Variants in DLEU7 observed in about 807,000 individuals in gnomAD.
The protein encoded by DLEU7 is leukemia-associated protein 7.
In DLEU7, 17 loss-of-function variants were observed where a neutral mutation model predicts 16.0. The ratio of observed to expected loss-of-function variants is 1.06; its 90% confidence interval spans 0.73 to 1.59. The LOEUF is 1.59. Among genes scored for constraint, DLEU7 ranks in the 40% most tolerant of loss-of-function variants. The probability of loss-of-function intolerance (pLI) is 0.00; values close to 1 mark genes in which losing one functional copy is unlikely to be tolerated. For missense variants in DLEU7, 308 were observed against 314.9 expected (o/e 0.98, Z 0.17); for synonymous variants, 113 against 139.8 (o/e 0.81, Z 1.35).
intron 1 of DLEU7, among the ~76,000 whole-genome samples, chr13:50,771,167 A>G (rs942943468): frequency 6.6e-6 from 1 of 152,068 alleles, no homozygotes; most frequent in African/African-American, 2.4e-5. Flanking sequence ...TTTCTTCATT[A>G]GTCTTGCTAG....
At chr13:50,735,022 T>C (rs184079394) in intron 1 of DLEU7, among the ~76,000 whole-genome samples, 17 of 152,218 alleles carry the variant, frequency 1.1e-4, no homozygotes, top group Admixed American at 7.9e-4. Flanking sequence ...TCAGGCGAAG[T>C]AGACCTCAGG....
intron 1 of DLEU7, among the ~76,000 whole-genome samples, chr13:50,813,404 G>T (rs2061624): frequency 0.49 from 74,874 of 151,868 alleles, 18,874 homozygotes; most frequent in Non-Finnish European, 0.56. Flanking sequence ...AGTGCTATGT[G>T]TTATGGCTCA....
downstream of DLEU7, among the ~76,000 whole-genome samples, chr13:50,821,084 C>T (rs972939315): frequency 1.4e-4 from 21 of 151,952 alleles, no homozygotes; most frequent in African/African-American, 4.8e-4. Flanking sequence ...TGGAGAATGC[C>T]AAGGGTCCCT....
intron 1 of DLEU7, among the ~76,000 whole-genome samples, chr13:50,774,139 C>A (rs539280622): frequency 2.6e-5 from 4 of 152,102 alleles, no homozygotes; most frequent in Admixed American, 6.5e-5. Context: ...AGTATTGGGG[C>A]TGGAGTGACC....
chr13:50,728,014 G>A (rs1873813053), intron 1 of DLEU7, among the ~76,000 whole-genome samples: 1 of 152,204 alleles, frequency 6.6e-6, no homozygotes, highest in Non-Finnish European at 1.5e-5. Flanking sequence ...CTAACAGCTT[G>A]CAGGTGAGAA....
upstream of DLEU7, chr13:50,843,748 T>G: frequency 1.4e-6 from 2 of 1,412,646 alleles, no homozygotes; most frequent in Non-Finnish European, 1.9e-6. This position sits in a 1 kb window ranked among gnomAD's most constrained non-coding sequence, Gnocchi z 5.7. Flanking sequence ...AACCCGCGGC[T>G]CCTCGGCCTC....
rs557061281 is a variant in DLEU7, at chr13:50,768,288, A to T, written c.460-55048T>A. ...TGGTATTTTTTTCATTCATGATTTT[A>T]TTTTTTTTTTATTATACTTTAAGTT... is the stretch of plus-strand genomic sequence containing the variant. On this transcript the variant is annotated intron_variant, in intron 1 of 1. Transcript: ENST00000400393. 1.4e-3 allele frequency among the ~76,000 whole-genome samples: 214 copies of T among 148,930 alleles called. 2 individuals carry two copies. The highest frequency in any genetic ancestry group is 2.6e-3 in the Non-Finnish European group (177 of 66,862).
intron 1 of DLEU7, among the ~76,000 whole-genome samples, chr13:50,828,467 A>G (rs1006792897): frequency 6.6e-6 from 1 of 152,250 alleles, no homozygotes; most frequent in African/African-American, 2.4e-5. Context: ...ACTGAACTAT[A>G]TCACAAATTT....
At chr13:50,770,403 TG>T (rs1875262474) in intron 1 of DLEU7, among the ~76,000 whole-genome samples, 1 of 152,212 alleles carries the variant, frequency 6.6e-6, no homozygotes, top group South Asian at 2.1e-4. Context: ...ATATTGGCTG[TG>T]GGTTTTTCAT....
intron 1 of DLEU7, among the ~76,000 whole-genome samples, chr13:50,787,808 G>A (rs552751826): frequency 3.4e-5 from 5 of 148,258 alleles, no homozygotes; most frequent in East Asian, 2.1e-4. Context: ...CCATCTCCCC[G>A]ATGGACTCTG....
In DLEU7 at chr13:50,768,546, GT is replaced by G. The variant is rs1283114774; in HGVS notation, c.460-55307del. Among the ~76,000 whole-genome samples the G allele has an allele frequency of 2.0e-5, 3 of 150,792 alleles. No homozygotes were observed. The Admixed American group carries it at 2.0e-4, about 10-fold the overall frequency. On this transcript the variant is annotated intron_variant, in intron 1 of 1. Coordinates refer to the DLEU7 transcript ENST00000400393. ...GAGAATATGCGGTGTTTGGTTTTCT[GT>G]CCTTGCAAGAGTTTGCTCAGAATGA...
At chr13:50,748,760 G>C (rs929287598) in intron 1 of DLEU7, among the ~76,000 whole-genome samples, 1 of 152,042 alleles carries the variant, frequency 6.6e-6, no homozygotes, top group Admixed American at 6.6e-5. Context: ...GAAGGAGAAG[G>C]AGAAGAAAAA....
chr13:50,773,267 T>C (rs530326451), intron 1 of DLEU7, among the ~76,000 whole-genome samples: 2 of 152,306 alleles, frequency 1.3e-5, no homozygotes, highest in African/African-American at 4.8e-5. Context: ...AGCCTACTTT[T>C]GTTAACCCAT....
At chr13:50,744,356 G>A (rs922584435) in intron 1 of DLEU7, among the ~76,000 whole-genome samples, 2 of 152,128 alleles carry the variant, frequency 1.3e-5, no homozygotes, top group Admixed American at 6.6e-5. Context: ...TTGTCTTTTC[G>A]GTTCTCTAGC....
At chr13:50,800,389 C>G (rs879368735) in intron 1 of DLEU7, among the ~76,000 whole-genome samples, 5 of 152,072 alleles carry the variant, frequency 3.3e-5, no homozygotes, top group African/African-American at 1.2e-4. Flanking sequence ...GCACCCCTTC[C>G]CCTTCAGTTT....
In DLEU7 at chr13:50,773,346, G is replaced by A. The variant is rs537606024; in HGVS notation, c.460-60106C>T. ...GCTGTGATCCTTTGGAGGAGAAGAG[G>A]CTCTCTGGATTTTAGAATTTTCAGC... is the stretch of plus-strand genomic sequence containing the variant. On this transcript the variant is annotated intron_variant, in intron 1 of 1. Coordinates refer to the DLEU7 transcript ENST00000400393. 9.9e-5 allele frequency among the ~76,000 whole-genome samples: 15 copies of A among 152,224 alleles called. No individual in the cohort carries two copies. In the East Asian group the frequency reaches 1.7e-3, roughly 18 times the overall value.
chr13:50,843,761 G>A (rs1877775872), upstream of DLEU7: 1 of 1,372,792 alleles, frequency 7.3e-7, no homozygotes, highest in African/African-American at 1.5e-5. This position sits in a 1 kb window ranked among gnomAD's most constrained non-coding sequence, Gnocchi z 5.7. Flanking sequence ...TCGGCCTCTG[G>A]GTCTCACAGC....
rs982321183 is a variant in DLEU7, at chr13:50,843,435, C to T, written c.212G>A (p.Gly71Asp). 7.5e-7 allele frequency: 1 copy of T among 1,327,780 alleles called. No homozygotes were observed. The highest frequency in any genetic ancestry group is 9.6e-7 in the Non-Finnish European group (1 of 1,045,924). 82.2% of individuals were successfully genotyped at this position (1,327,780 alleles called of 1,614,324 possible). ...PGPGREERGG[G>D]VGTRSRRTAA... ...GGTCCGCCGACTCCTGGTCCCCACGCCCCCGCCCCGCTCCTCGCGCCCGGG... is the reference window on the plus strand; with the variant it reads ...GGTCCGCCGACTCCTGGTCCCCACGTCCCCGCCCCGCTCCTCGCGCCCGGG... Residue 71 changes from glycine to aspartate, a missense_variant, in exon 1 of 2, where the codon GGC becomes GAC. By Grantham distance (94) the Gly-to-Asp change is moderately conservative. Transcript: ENST00000504404. The surrounding 1 kb of genome is among the most constrained non-coding windows in gnomAD (Gnocchi z 5.7).
intron 1 of DLEU7, among the ~76,000 whole-genome samples, chr13:50,728,892 C>T (rs1472839708): frequency 1.3e-5 from 2 of 152,158 alleles, no homozygotes; most frequent in African/African-American, 2.4e-5. Flanking sequence ...TATTCCTTTA[C>T]CACTGTCTCC....
Sources: allele counts gnomAD v4.1 joint callset (sites outside exome capture counted in the v4.1 genomes callset), GRCh38; gene constraint gnomAD v4.1.1; non-coding constraint Gnocchi (gnomAD v3.1); transcripts MANE v1.5; gene names NCBI Gene and HGNC (gene_info 2026-07-23, HGNC 2026-07-21).